Variants in GSE1 observed in about 807,000 individuals in gnomAD.
GSE1 encodes Gse1 coiled-coil protein, also known as genetic suppressor element 1.
Under a neutral mutation model 112.6 loss-of-function variants are expected in GSE1, and 32 were observed. The ratio of observed to expected loss-of-function variants is 0.28; its 90% CI spans 0.21 to 0.38. GSE1 has a LOEUF of 0.38. Among genes scored for constraint, GSE1 ranks in the 10% least tolerant of loss-of-function variants. GSE1 has a pLI of 1.00. For missense variants in GSE1, 2,348 were observed against 1,699.2 expected (o/e 1.38, Z -6.71); for synonymous variants, 1,115 against 735.6 (o/e 1.52, Z -8.35).
chr16:85,390,406 C>T (rs2047810643), intron 2 of GSE1, among the ~76,000 whole-genome samples: 1 of 152,080 alleles, frequency 6.6e-6, no homozygotes. Context: ...CCGTGCCCCC[C>T]AGGGCTGTGC....
At chr16:85,202,134 A>G (rs973075676) in intron 1 of GSE1, among the ~76,000 whole-genome samples, 5 of 152,216 alleles carry the variant, frequency 3.3e-5, no homozygotes, top group African/African-American at 1.2e-4. Context: ...TTAGGCCCCC[A>G]TCAGGGCCCG....
Position 85,663,006 on chromosome 16 carries a change from T to C in GSE1, c.2286T>C (p.Ser762=), listed in dbSNP as rs2052556239. ...EKGYYYDLDD[S]YDESDEEEVR... ...GGTACTACTACGACCTCGATGACTC[T>C]TACGACGAGAGCGATGAGGAGGAGG... Residue 762 remains serine (S), a synonymous_variant, in exon 10 of 16, where the codon TCT becomes TCC. Transcript: ENST00000253458. 7 of 1,612,552 alleles carry C rather than the reference T, an allele frequency of 4.3e-6. No individual in the cohort carries two copies. The highest frequency in any genetic ancestry group is 5.9e-6 in the Non-Finnish European group (7 of 1,179,038).
intron 1 of GSE1, among the ~76,000 whole-genome samples, chr16:85,295,176 G>A (rs2045332506): frequency 6.6e-6 from 1 of 152,144 alleles, no homozygotes; most frequent in Non-Finnish European, 1.5e-5. Context: ...CTCACCCAGC[G>A]GTTACTCCAT....
Position 85,390,582 on chromosome 16 carries a change from C to T in GSE1, c.2464+32939C>T, listed in dbSNP as rs1324175077. ...GGCTTTATGTCTGCTCATATTTCAT[C>T]CTGGCTCTGGCCTCTCCTGCTCACT... On this transcript the variant is annotated intron_variant, in intron 2 of 2. Transcript: ENST00000637419. 3.3e-5 allele frequency among the ~76,000 whole-genome samples: 5 copies of T among 152,240 alleles called. No homozygotes were observed. The South Asian group carries it at 1.0e-3, about 32-fold the overall frequency.
chr16:85,557,943 G>C (rs536618735), intron 1 of GSE1, among the ~76,000 whole-genome samples: 3 of 151,816 alleles, frequency 2.0e-5, no homozygotes, highest in Admixed American at 6.6e-5. Flanking sequence ...ATTTTCCAGC[G>C]TTTCCATTCC....
At chr16:85,466,503 G>A (rs2050125606) in intron 2 of GSE1, among the ~76,000 whole-genome samples, 1 of 152,304 alleles carries the variant, frequency 6.6e-6, no homozygotes, top group East Asian at 1.9e-4. Context: ...TCGGTCCTGA[G>A]GAGTTAGCAG....
intron 1 of GSE1, among the ~76,000 whole-genome samples, chr16:85,223,960 G>C (rs1248487714): frequency 6.6e-6 from 1 of 152,080 alleles, no homozygotes; most frequent in Non-Finnish European, 1.5e-5. Flanking sequence ...CCATTCACAA[G>C]GCCGTGCAAC....
At chr16:85,665,897 G>A in intron 12 of GSE1, 79 bp from the exon 13 acceptor site, 2 of 1,389,924 alleles carry the variant, frequency 1.4e-6, no homozygotes, top group Non-Finnish European at 2.0e-6. Context: ...GTAAGCTCTA[G>A]AGACCAGGAT....
chr16:85,321,134 A>G (rs1047573041), intron 1 of GSE1, among the ~76,000 whole-genome samples: 1 of 152,224 alleles, frequency 6.6e-6, no homozygotes, highest in African/African-American at 2.4e-5. Flanking sequence ...CTGGAAGGAC[A>G]GGGACCTTGT....
intron 1 of GSE1, among the ~76,000 whole-genome samples, chr16:85,353,976 G>A (rs746385349): frequency 6.6e-6 from 1 of 152,338 alleles, no homozygotes; most frequent in East Asian, 1.9e-4. Flanking sequence ...TCTTGTGTGC[G>A]TTCCTGCCTC....
intron 2 of GSE1, among the ~76,000 whole-genome samples, chr16:85,378,007 C>T (rs2047458866): frequency 6.6e-6 from 1 of 152,354 alleles, no homozygotes; most frequent in South Asian, 2.1e-4. Context: ...GTCATCTGCA[C>T]CCCGGGCTTG....
chr16:85,337,506 C>T (rs554323972), intron 1 of GSE1, among the ~76,000 whole-genome samples: 22 of 151,932 alleles, frequency 1.4e-4, no homozygotes, highest in Admixed American at 2.6e-4. Flanking sequence ...AGGGTTTCAC[C>T]GTGTTAGCCA....
At chr16:85,576,595 T>A (rs1287852646) in intron 1 of GSE1, among the ~76,000 whole-genome samples, 1 of 152,152 alleles carries the variant, frequency 6.6e-6, no homozygotes, top group Non-Finnish European at 1.5e-5. Flanking sequence ...CCCCAGACCC[T>A]TTCTTCCTAA....
At chr16:85,437,774 C>T (rs1341126739) in intron 2 of GSE1, among the ~76,000 whole-genome samples, 1 of 152,166 alleles carries the variant, frequency 6.6e-6, no homozygotes, top group African/African-American at 2.4e-5. Context: ...TCCAGGAGGC[C>T]GAACACCACC....
chr16:85,348,105 G>A (rs1176886813), intron 1 of GSE1, among the ~76,000 whole-genome samples: 1 of 152,052 alleles, frequency 6.6e-6, no homozygotes, highest in Non-Finnish European at 1.5e-5. Flanking sequence ...ATAAAAAGGC[G>A]GTTCTGCCCC....
chr16:85,201,218 A>G (rs905944959), intron 1 of GSE1, among the ~76,000 whole-genome samples: 6 of 152,064 alleles, frequency 3.9e-5, no homozygotes, highest in African/African-American at 1.4e-4. Flanking sequence ...GGCCACAGGC[A>G]GGTGCCACCA....
At chr16:85,664,837 C>G in intron 11 of GSE1, 178 bp from the exon 12 acceptor site, 1 of 595,014 alleles carries the variant, frequency 1.7e-6, no homozygotes, top group Non-Finnish European at 3.0e-6. Context: ...CGAGAGCAAT[C>G]TGGGCTCGCT....
chr16:85,490,600 G>T (rs4075069), intron 2 of GSE1: 15,468 of 152,256 alleles, frequency 0.1, 1,373 homozygotes, highest in East Asian at 0.48. Flanking sequence ...CCCGGTCACC[G>T]CAGAGAGGCA....
intron 2 of GSE1, among the ~76,000 whole-genome samples, chr16:85,413,423 G>A (rs536933938): frequency 3.9e-5 from 6 of 152,080 alleles, no homozygotes; most frequent in Admixed American, 2.0e-4. Context: ...TGACCCCCAA[G>A]CATGGCGGCC....
Sources: gnomAD v4.1 joint callset for allele counts (sites outside exome capture counted in the v4.1 genomes callset) on GRCh38, gnomAD v4.1.1 for gene constraint, MANE v1.5 for transcripts, NCBI Gene and HGNC (gene_info 2026-07-23, HGNC 2026-07-21) for gene names.